Variants in ARHGEF10L observed in about 807,000 individuals in gnomAD.
The protein encoded by ARHGEF10L is rho guanine nucleotide exchange factor 10-like protein.
ARHGEF10L carries 69 observed loss-of-function variants against 141.2 expected under a neutral mutation model. The observed-to-expected ratio is 0.49, with a 90% CI of 0.40 to 0.60. The LOEUF (loss-of-function observed/expected upper bound fraction) is 0.60. Ranked by LOEUF, ARHGEF10L falls within the 20% of genes least tolerant of loss-of-function variation. The pLI is 0.00. For missense variants in ARHGEF10L, 1,482 were observed against 1,734.3 expected (o/e 0.85, Z 2.58); for synonymous variants, 711 against 718.5 (o/e 0.99, Z 0.17).
At chr1:17,678,417 GT>G (rs397863291) in intron 26 of ARHGEF10L, among the ~76,000 whole-genome samples, 2,951 of 132,988 alleles carry the variant, frequency 0.022, 85 homozygotes, top group African/African-American at 0.074. Flanking sequence ...AGATTTCAGG[GT>G]TTTTTTTTTT....
At chr1:17,551,826 C>T (rs1230351863) in intron 1 of ARHGEF10L, among the ~76,000 whole-genome samples, 1 of 152,174 alleles carries the variant, frequency 6.6e-6, no homozygotes, top group African/African-American at 2.4e-5. Context: ...TGGGACTGGT[C>T]TTCTAACTAA....
At position 17,632,467 on chromosome 1, in the gene ARHGEF10L, G is replaced by A. The variant is rs2060751431; in HGVS notation, c.1730+1G>A. 1 of 1,613,976 alleles carries A rather than the reference G, an allele frequency of 6.2e-7. No individual in the cohort carries two copies. On this transcript the variant is annotated splice_donor_variant, in intron 16 of 28. Coordinates refer to ENST00000361221, the MANE Select transcript of ARHGEF10L (RefSeq NM_018125.4). LOFTEE classifies it high-confidence loss of function. ...TTGTCTGTGCCAACATCAACTTCAA[G>A]TAAGTGGGCCTGGGTTGGAGGGGGC...
At chr1:17,588,385 G>C in intron 3 of ARHGEF10L, 61 bp from the exon 4 acceptor site, 1 of 1,597,878 alleles carries the variant, frequency 6.3e-7, no homozygotes, top group Non-Finnish European at 8.6e-7. Flanking sequence ...GGCGGGGAAG[G>C]CCTGAGTGCC....
chr1:17,553,166 T>C (rs1425337127), intron 1 of ARHGEF10L, among the ~76,000 whole-genome samples: 1 of 152,184 alleles, frequency 6.6e-6, no homozygotes. Context: ...CTCCAGGGCC[T>C]CAGAGGGGGA....
At chr1:17,595,771 G>A (rs2080036385) in intron 4 of ARHGEF10L, among the ~76,000 whole-genome samples, 1 of 152,120 alleles carries the variant, frequency 6.6e-6, no homozygotes, top group Non-Finnish European at 1.5e-5. Context: ...GCCATACCAC[G>A]TGCCAGCCCC....
At chr1:17,588,371 A>G in intron 3 of ARHGEF10L, 75 bp from the exon 4 acceptor site, 1 of 1,553,076 alleles carries the variant, frequency 6.4e-7, no homozygotes, top group Non-Finnish European at 8.9e-7. Flanking sequence ...GAGGCTGGGA[A>G]AGGGGCGGGG....
intron 4 of ARHGEF10L, among the ~76,000 whole-genome samples, chr1:17,588,741 G>C (rs2079246257): frequency 6.6e-6 from 1 of 152,004 alleles, no homozygotes; most frequent in Non-Finnish European, 1.5e-5. Flanking sequence ...CCTTGGAGGA[G>C]TCACAGAAAC....
rs768081413 is a variant in ARHGEF10L, at chr1:17,648,694, GC to G, written c.2394+20del. On this transcript the variant is annotated intron_variant, in intron 22 of 28. Transcript: ENST00000361221. ...CCTGCAGGTGAGTGGAGCGGATCTT[GC>G]TGAGCCGACCTCGAAGGTGGCTGCG... 6.2e-7 allele frequency: 1 copy of G among 1,608,880 alleles called. No homozygotes were observed. The highest frequency in any genetic ancestry group is 8.5e-7 in the Non-Finnish European group (1 of 1,177,158).
chr1:17,562,003 G>T (rs2077563551), intron 1 of ARHGEF10L, among the ~76,000 whole-genome samples: 1 of 152,186 alleles, frequency 6.6e-6, no homozygotes, highest in South Asian at 2.1e-4. Context: ...AAGTCGCTTT[G>T]CCTCTCTCAG....
chr1:17,567,569 T>C (rs1570513018), intron 1 of ARHGEF10L, among the ~76,000 whole-genome samples: 1 of 152,158 alleles, frequency 6.6e-6, no homozygotes, highest in South Asian at 2.1e-4. Context: ...GGTTTTACCA[T>C]GTTGGTCAGA....
chr1:17,659,733 C>T (rs2062494153), intron 25 of ARHGEF10L, among the ~76,000 whole-genome samples: 2 of 152,230 alleles, frequency 1.3e-5, no homozygotes, highest in Middle Eastern at 3.2e-3. Flanking sequence ...GTTCACTGTC[C>T]TGCCGGGTTA....
At chr1:17,586,847 G>C (rs1230458395) in intron 2 of ARHGEF10L, among the ~76,000 whole-genome samples, 1 of 152,036 alleles carries the variant, frequency 6.6e-6, no homozygotes, top group Non-Finnish European at 1.5e-5. Context: ...AGTCACGAAA[G>C]GGGTTCCCCA....
chr1:17,602,397 T>G (rs1557793299), intron 5 of ARHGEF10L, among the ~76,000 whole-genome samples, 179 bp downstream of exon 5: 1 of 152,190 alleles, frequency 6.6e-6, no homozygotes, highest in Non-Finnish European at 1.5e-5. Context: ...CAGGATCAGT[T>G]GACACACCCA....
intron 25 of ARHGEF10L, among the ~76,000 whole-genome samples, chr1:17,658,013 C>A (rs572376544): frequency 1.3e-5 from 2 of 152,208 alleles, no homozygotes; most frequent in African/African-American, 2.4e-5. Flanking sequence ...GCCTGGGGTC[C>A]GTGTTTGGAT....
chr1:17,685,887 G>A (rs759540683), intron 26 of ARHGEF10L, among the ~76,000 whole-genome samples: 11 of 152,180 alleles, frequency 7.2e-5, no homozygotes, highest in South Asian at 2.1e-4. Flanking sequence ...TAAATGCCCC[G>A]TCCAGGATCC....
chr1:17,640,302 C>T lies in ARHGEF10L; in HGVS notation c.2272C>T (p.Arg758Trp), dbSNP rs1020141185. 8.7e-6 allele frequency: 14 copies of T among 1,609,730 alleles called. No individual in the cohort carries two copies. The highest frequency in any genetic ancestry group is 2.7e-5 in the African/African-American group (2 of 74,824). ...GTTACATTTGGCCAAAATCGGACTC[C>T]GTGAGTATAGCCCCAGGGAGAGTGC... ...NRLHLAKIGLREENQPGWLCP... is the reference protein window; with the variant it reads ...NRLHLAKIGLWEENQPGWLCP... The change falls in exon 21 of 29, where the codon CGG becomes TGG. Residue 758 changes from arginine to tryptophan, a missense_variant and splice_region_variant. Coordinates refer to ENST00000361221, the MANE Select transcript of ARHGEF10L (RefSeq NM_018125.4).
At chr1:17,546,480 T>A (rs980852309) in intron 1 of ARHGEF10L, among the ~76,000 whole-genome samples, 1 of 152,198 alleles carries the variant, frequency 6.6e-6, no homozygotes, top group Admixed American at 6.5e-5. Flanking sequence ...TATTTTCCGA[T>A]CTTATCGATG....
At chr1:17,518,951 C>T in the ARHGEF10L span, among the ~76,000 whole-genome samples, 3 of 151,808 alleles carry the variant, frequency 2.0e-5, no homozygotes, top group Non-Finnish European at 4.4e-5. Flanking sequence ...GGGTGGATCA[C>T]CTGAGGCTGG....
chr1:17,530,078 T>C, the ARHGEF10L span, among the ~76,000 whole-genome samples: 2 of 151,962 alleles, frequency 1.3e-5, no homozygotes, highest in African/African-American at 4.8e-5. Context: ...GGTGATCCAC[T>C]CACTTCGGCA....
Sources: allele counts gnomAD v4.1 joint callset (sites outside exome capture counted in the v4.1 genomes callset), GRCh38; gene constraint gnomAD v4.1.1; transcripts MANE v1.5; gene names NCBI Gene and HGNC (gene_info 2026-07-23, HGNC 2026-07-21).